Variants in RAB3B observed in about 807,000 individuals in gnomAD.
The protein encoded by RAB3B is ras-related protein Rab-3B.
RAB3B carries 11 observed loss-of-function variants against 20.5 expected under a neutral mutation model. The ratio of observed to expected loss-of-function variants is 0.54; its 90% CI spans 0.34 to 0.89. The LOEUF (loss-of-function observed/expected upper bound fraction) is 0.89, where lower values mean the gene tolerates loss of function less well. Among genes scored for constraint, RAB3B ranks in the 40% least tolerant of loss-of-function variants. The pLI is 0.02. For missense variants in RAB3B, 225 were observed against 280.9 expected, an observed-to-expected ratio of 0.80 and a Z score of 1.42; for synonymous variants, 99 against 106.3, an observed-to-expected ratio of 0.93 and a Z score of 0.42.
chr1:51,933,593 A>G (rs952001854), intron 3 of RAB3B, 151 bp from the exon 4 acceptor site: 1 of 686,862 alleles, frequency 1.5e-6, no homozygotes, highest in African/African-American at 1.8e-5. Flanking sequence ...CAATGAGGCT[A>G]GAGTCCTAAT....
chr1:51,938,079 G>A (rs1460313484), intron 2 of RAB3B, among the ~76,000 whole-genome samples: 1 of 142,154 alleles, frequency 7.0e-6, no homozygotes, highest in Admixed American at 7.5e-5. Flanking sequence ...ATAGCTCACT[G>A]CAAGTTTGAA....
intron 4 of RAB3B, among the ~76,000 whole-genome samples, chr1:51,929,264 T>C (rs1684289985): frequency 6.6e-6 from 1 of 152,162 alleles, no homozygotes; most frequent in South Asian, 2.1e-4. Context: ...AGCTGAGAAA[T>C]GGAGAGTGCA....
Position 51,917,303 on chromosome 1 carries a change from T to C in RAB3B, c.*2624A>G, listed in dbSNP as rs1684099715. On this transcript the variant is annotated 3_prime_UTR_variant, in exon 5 of 5. Transcript: ENST00000371655. ...GGTTTGTTTGGTGGATCAACTGAAA[T>C]GGTGAAGGTGAAAAAAAAGAGACAC... is the stretch of plus-strand genomic sequence containing the variant. 6.6e-6 allele frequency: 1 copy of C among 151,856 alleles called. No individual in the cohort carries two copies. The highest frequency in any genetic ancestry group is 1.5e-5 in the Non-Finnish European group (1 of 67,974). 9.4% of individuals were successfully genotyped at this position (151,856 alleles called of 1,614,324 possible).
At chr1:51,940,066 C>T (rs537630639) in intron 2 of RAB3B, among the ~76,000 whole-genome samples, 1 of 152,290 alleles carries the variant, frequency 6.6e-6, no homozygotes, top group South Asian at 2.1e-4. Flanking sequence ...TACTAGAAAA[C>T]CCTGGAGAAT....
At chr1:51,981,556 C>G (rs899301703) in intron 1 of RAB3B, among the ~76,000 whole-genome samples, 2 of 152,182 alleles carry the variant, frequency 1.3e-5, no homozygotes, top group African/African-American at 2.4e-5. Context: ...GCATTCTAGT[C>G]TATACCTTCT....
At chr1:51,983,855 G>C (rs1685118270) in intron 1 of RAB3B, among the ~76,000 whole-genome samples, 1 of 151,944 alleles carries the variant, frequency 6.6e-6, no homozygotes. Context: ...AGCTAGTCAG[G>C]AGGCTGAAGC....
intron 3 of RAB3B, among the ~76,000 whole-genome samples, chr1:51,935,561 C>T (rs914621115): frequency 6.6e-6 from 1 of 152,136 alleles, no homozygotes; most frequent in South Asian, 2.1e-4. Flanking sequence ...TCTCAGCTCC[C>T]AGGTTAGCAA....
At chr1:51,923,714 C>CAAAAAAAA (rs56771506) in intron 4 of RAB3B, among the ~76,000 whole-genome samples, 1 of 74,476 alleles carries the variant, frequency 1.3e-5, no homozygotes, top group Non-Finnish European at 3.1e-5. Flanking sequence ...GACTCTGTCT[C>CAAAAAAAA]AAAAAAAAAA....
At chr1:51,973,761 C>T (rs1246809496) in intron 2 of RAB3B, among the ~76,000 whole-genome samples, 2 of 152,102 alleles carry the variant, frequency 1.3e-5, no homozygotes, top group African/African-American at 4.8e-5. Context: ...CACAAGAAAA[C>T]CACAAAAGCT....
chr1:51,919,804 T>G lies in RAB3B; in HGVS notation c.*123A>C, dbSNP rs1232536027. 4 of 1,001,410 alleles carry G rather than the reference T, an allele frequency of 4.0e-6. No individual in the cohort carries two copies. The African/African-American group carries it at 6.6e-5, about 16-fold the overall frequency. The allele number at this position is 1,001,410 out of a possible 1,614,324, so 62.0% of individuals were successfully genotyped here. ...GCAGGCAAAGAATAGCAGCAACTCA[T>G]CTTGCTCTGAGTGTGGGCAGTGTGT... is the stretch of plus-strand genomic sequence containing the variant. On this transcript the variant is annotated 3_prime_UTR_variant, in exon 5 of 5. Coordinates refer to ENST00000371655, the MANE Select transcript of RAB3B (RefSeq NM_002867.4).
Position 51,918,853 on chromosome 1 carries a change from G to T in RAB3B, c.*1074C>A, listed in dbSNP as rs1049788523. 6.6e-5 allele frequency: 10 copies of T among 152,136 alleles called. No individual in the cohort carries two copies. The highest frequency in any genetic ancestry group is 2.4e-4 in the African/African-American group (10 of 41,410). 9.4% of individuals were successfully genotyped at this position (152,136 alleles called of 1,614,324 possible). On this transcript the variant is annotated 3_prime_UTR_variant, in exon 5 of 5. Coordinates refer to ENST00000371655, the MANE Select transcript of RAB3B (RefSeq NM_002867.4). ...GAAAGCAGCAAAATCAGAAACTCAT[G>T]ATCTGTTTCTTGATCTTGCCTGTTT...
intron 2 of RAB3B, among the ~76,000 whole-genome samples, chr1:51,975,619 A>C (rs1349571132): frequency 2.0e-5 from 3 of 152,178 alleles, no homozygotes; most frequent in Admixed American, 6.5e-5. Context: ...CTGTGAAGAC[A>C]CTCTAAGAGG....
At chr1:51,937,789 G>T (rs547930894) in intron 2 of RAB3B, among the ~76,000 whole-genome samples, 1 of 151,956 alleles carries the variant, frequency 6.6e-6, no homozygotes, top group East Asian at 1.9e-4. Flanking sequence ...GAGCCACCGC[G>T]CCCAACCCAA....
At chr1:51,960,633 A>T (rs2124288883) in intron 2 of RAB3B, among the ~76,000 whole-genome samples, 1 of 152,298 alleles carries the variant, frequency 6.6e-6, no homozygotes, top group Non-Finnish European at 1.5e-5. Context: ...GCAACACATC[A>T]GGCAGGTTCC....
chr1:51,949,378 C>T (rs968656888), intron 2 of RAB3B, among the ~76,000 whole-genome samples: 2 of 152,190 alleles, frequency 1.3e-5, no homozygotes, highest in Non-Finnish European at 2.9e-5. Flanking sequence ...GGATTTTTCT[C>T]AGTCACTTTG....
intron 2 of RAB3B, among the ~76,000 whole-genome samples, chr1:51,963,000 T>A (rs756451236): frequency 1.6e-4 from 25 of 152,174 alleles, no homozygotes; most frequent in Non-Finnish European, 3.5e-4. Flanking sequence ...ATCCCTCTAC[T>A]GGCCAGTGAA....
intron 1 of RAB3B, among the ~76,000 whole-genome samples, chr1:51,982,678 G>A (rs964849179): frequency 4.6e-5 from 7 of 151,810 alleles, no homozygotes; most frequent in Non-Finnish European, 7.4e-5. Flanking sequence ...GCTTGAACTC[G>A]GGAGGTGGAG....
chr1:51,961,975 T>C (rs1207673150), intron 2 of RAB3B, among the ~76,000 whole-genome samples: 1 of 152,188 alleles, frequency 6.6e-6, no homozygotes, highest in Non-Finnish European at 1.5e-5. Context: ...TTTCACCATG[T>C]TGGCAAGGCC....
chr1:51,977,685 A>G (rs1685028482), intron 1 of RAB3B, among the ~76,000 whole-genome samples: 1 of 152,128 alleles, frequency 6.6e-6, no homozygotes, highest in South Asian at 2.1e-4. Context: ...TTCAAAAACT[A>G]TTATGACTCA....
Sources: gnomAD v4.1 joint callset for allele counts (sites outside exome capture counted in the v4.1 genomes callset) on GRCh38, gnomAD v4.1.1 for gene constraint, MANE v1.5 for transcripts, NCBI Gene and HGNC (gene_info 2026-07-23, HGNC 2026-07-21) for gene names.